PTPRJ: variants seen among roughly 807,000 people sequenced by gnomAD.
PTPRJ encodes the protein receptor-type tyrosine-protein phosphatase eta.
PTPRJ carries 129 observed loss-of-function variants against 141.3 expected under a neutral mutation model. The ratio of observed to expected loss-of-function variants is 0.91; its 90% CI spans 0.79 to 1.06. The LOEUF is 1.06. PTPRJ is among the 50% of genes least tolerant of loss of function. The probability of loss-of-function intolerance (pLI) is 0.00; values close to 1 mark genes in which losing one functional copy is unlikely to be tolerated. For synonymous variants in PTPRJ, 610 were observed against 640.5 expected (o/e 0.95, Z 0.72); for missense variants, 1,601 against 1,679.7 (o/e 0.95, Z 0.82).
chr11:48,038,641 G>A (rs983075096), intron 1 of PTPRJ, among the ~76,000 whole-genome samples: 38 of 151,706 alleles, frequency 2.5e-4, no homozygotes, highest in Non-Finnish European at 3.2e-4. Context: ...ACAGGCGCAC[G>A]CCACCATGCC....
chr11:48,116,391 A>T (rs539705978), intron 3 of PTPRJ, among the ~76,000 whole-genome samples: 2 of 152,360 alleles, frequency 1.3e-5, no homozygotes, highest in Admixed American at 6.5e-5. Flanking sequence ...ATAAATATAT[A>T]TGCACCCAGC....
chr11:48,110,198 C>A, intron 2 of PTPRJ, 122 bp downstream of exon 2: 1 of 1,104,656 alleles, frequency 9.1e-7, no homozygotes, highest in Non-Finnish European at 1.3e-6. Context: ...TCCAATTTTT[C>A]TTTTTCTTTT....
At chr11:48,114,645 A>G (rs900351361) in intron 3 of PTPRJ, among the ~76,000 whole-genome samples, 2 of 152,088 alleles carry the variant, frequency 1.3e-5, no homozygotes, top group Non-Finnish European at 2.9e-5. Flanking sequence ...ACATCAACAC[A>G]GAGTCACAAG....
At chr11:48,035,612 G>A (rs527355128) in intron 1 of PTPRJ, among the ~76,000 whole-genome samples, 10 of 128,582 alleles carry the variant, frequency 7.8e-5, no homozygotes, top group Admixed American at 3.7e-4. Flanking sequence ...TCTTTGTGGC[G>A]TTGTATTACA....
Position 47,981,015 on chromosome 11 carries a change from G to C in PTPRJ, c.96+7G>C. The C allele has an allele frequency of 8.3e-7, 1 of 1,207,624 alleles. No individual in the cohort carries two copies. The highest frequency in any genetic ancestry group is 1.6e-5 in the African/African-American group (1 of 63,290). 74.8% of individuals were successfully genotyped at this position (1,207,624 alleles called of 1,614,324 possible). A position where few individuals can be genotyped will look rare whatever the true frequency, so the allele number is the denominator to read the frequency against. ...GCTGCTGCGCCTGGGCCAGGTAAGC[G>C]CCGGGTGGGCTCGGGCGGGGGGCAG... On this transcript the variant is annotated splice_region_variant and intron_variant, in intron 1 of 24. Transcript: ENST00000418331.
rs532958279 is a variant in PTPRJ, at chr11:47,984,252, C to T, written c.96+3244C>T. On this transcript the variant is annotated intron_variant, in intron 1 of 24. Coordinates refer to ENST00000418331, the MANE Select transcript of PTPRJ (RefSeq NM_002843.4). ...TGGTCAGCAAAGGGGTTATTTAGCT[C>T]CTAAAAGTAATTTTTGCTTGAGGTT... 2.9e-4 allele frequency among the ~76,000 whole-genome samples: 44 copies of T among 152,218 alleles called. 1 individual carries two copies. In the South Asian group the frequency reaches 8.7e-3, roughly 30 times the overall value.
intron 1 of PTPRJ, among the ~76,000 whole-genome samples, chr11:47,994,461 C>T (rs1854278694): frequency 6.6e-6 from 1 of 151,974 alleles, no homozygotes; most frequent in Admixed American, 6.6e-5. Context: ...TAGAGACCAC[C>T]CTGAGCAACA....
rs1328804619 is a variant in PTPRJ, at chr11:48,053,201, ATATAT to A, written c.97-56851_97-56847del. 6.4e-3 allele frequency among the ~76,000 whole-genome samples: 630 copies of A among 97,912 alleles called. 6 individuals carry two copies. The highest frequency in any genetic ancestry group is 0.025 in the African/African-American group (591 of 23,376). 64.2% of individuals were successfully genotyped at this position (97,912 alleles called of 152,430 possible). On this transcript the variant is annotated intron_variant, in intron 1 of 24. Transcript: ENST00000418331. ...TATAAATATATATAAAAATATATAAATATATTATATATAATATATTAAATATATTA... is the reference window on the plus strand; with the variant it reads ...TATAAATATATATAAAAATATATAAATATATATAATATATTAAATATATTA...
chr11:48,133,262 T>C (rs73468836), intron 8 of PTPRJ, among the ~76,000 whole-genome samples: 45 of 152,186 alleles, frequency 3.0e-4, no homozygotes, highest in Non-Finnish European at 2.6e-4. Context: ...ACCATGTAGA[T>C]TGACACTTTG....
intron 1 of PTPRJ, among the ~76,000 whole-genome samples, chr11:48,034,532 G>A (rs1230554062): frequency 6.6e-6 from 1 of 152,038 alleles, no homozygotes; most frequent in African/African-American, 2.4e-5. Flanking sequence ...ATTTTTATTT[G>A]TATAATAAAT....
chr11:48,046,912 ATTTTTT>A (rs1217187387), intron 1 of PTPRJ, among the ~76,000 whole-genome samples: 2 of 74,168 alleles, frequency 2.7e-5, no homozygotes, highest in African/African-American at 7.3e-5. Context: ...ATATATATAT[ATTTTTT>A]TTTTTTTTTT....
At chr11:48,037,752 G>T (rs1418481029) in intron 1 of PTPRJ, among the ~76,000 whole-genome samples, 1 of 152,130 alleles carries the variant, frequency 6.6e-6, no homozygotes, top group East Asian at 1.9e-4. Context: ...GGCAGAGGTT[G>T]CAGTGAGCCA....
chr11:48,041,527 T>C (rs1854272606), intron 1 of PTPRJ, among the ~76,000 whole-genome samples: 1 of 152,202 alleles, frequency 6.6e-6, no homozygotes, highest in African/African-American at 2.4e-5. Context: ...CTCACCAGAG[T>C]TGACTGTGGC....
chr11:47,988,879 G>GTTTTTTTTTTTTTTTTT lies in PTPRJ; in HGVS notation c.96+7881_96+7897dup, dbSNP rs869194701. Among the ~76,000 whole-genome samples the GTTTTTTTTTTTTTTTTT allele has an allele frequency of 1.8e-4, 14 of 76,340 alleles. 1 individual carries two copies. The highest frequency in any genetic ancestry group is 9.6e-4 in the African/African-American group (14 of 14,600). 50.1% of individuals were successfully genotyped at this position (76,340 alleles called of 152,430 possible). ...TCTGAAAGGTGAAAAATTGTATCTT[G>GTTTTTTTTTTTTTTTTT]TTTTTTTTTTTTTTTTTTTTTTTTT... On this transcript the variant is annotated intron_variant, in intron 1 of 24. Coordinates refer to ENST00000418331, the MANE Select transcript of PTPRJ (RefSeq NM_002843.4).
At chr11:48,038,055 G>C (rs924170182) in intron 1 of PTPRJ, among the ~76,000 whole-genome samples, 34 of 152,006 alleles carry the variant, frequency 2.2e-4, no homozygotes, top group African/African-American at 8.0e-4. Flanking sequence ...TGTATGGTTT[G>C]GCCTCTTGGT....
At chr11:47,993,318 A>G (rs1854243873) in intron 1 of PTPRJ, among the ~76,000 whole-genome samples, 1 of 152,094 alleles carries the variant, frequency 6.6e-6, no homozygotes, top group African/African-American at 2.4e-5. Flanking sequence ...TTTTGAGACG[A>G]GTCTCACTCT....
In PTPRJ at chr11:48,130,695, C is replaced by T. The variant is rs112828875; in HGVS notation, c.1594C>T (p.Arg532Trp). 2.0e-4 allele frequency: 316 copies of T among 1,612,784 alleles called. 3 individuals carry two copies. The East Asian group carries it at 6.4e-3, about 32-fold the overall frequency. Residue 532 changes from arginine to tryptophan, a missense_variant, in exon 8 of 25, where the codon CGG (arginine) becomes TGG (tryptophan). Transcript: ENST00000418331. ...ACCAAATGGGACTGAAGGGGCATCTCGGACAGTTTGCAATAGAACTGGTAA... is the reference window on the plus strand; with the variant it reads ...ACCAAATGGGACTGAAGGGGCATCTTGGACAGTTTGCAATAGAACTGGTAA... ...KGPNGTEGASRTVCNRTVPSA... is the reference protein window; with the variant it reads ...KGPNGTEGASWTVCNRTVPSA...
chr11:48,051,436 CT>C (rs1854568047), intron 1 of PTPRJ, among the ~76,000 whole-genome samples: 1 of 152,146 alleles, frequency 6.6e-6, no homozygotes, highest in Non-Finnish European at 1.5e-5. Flanking sequence ...CTTGATCATG[CT>C]TTTCCCCCCA....
At chr11:48,133,767 T>G (rs1285965800) in intron 8 of PTPRJ, among the ~76,000 whole-genome samples, 1 of 152,182 alleles carries the variant, frequency 6.6e-6, no homozygotes, top group East Asian at 1.9e-4. Flanking sequence ...CAAAATACTA[T>G]TCAGCCATAA....
Sources: allele counts gnomAD v4.1 joint callset (sites outside exome capture counted in the v4.1 genomes callset), GRCh38; gene constraint gnomAD v4.1.1; transcripts MANE v1.5; gene names NCBI Gene and HGNC (gene_info 2026-07-23, HGNC 2026-07-21).